The following ZNF385C variants were observed in gnomAD, a reference collection of about 807,000 sequenced individuals.
ZNF385C encodes the protein zinc finger protein 385C.
A neutral mutation model predicts 35.4 loss-of-function variants in ZNF385C; 28 were observed. That is an observed-to-expected ratio of 0.79 (90% CI 0.59 to 1.08). The LOEUF is 1.08. Ranked by LOEUF, ZNF385C falls within the 50% of genes least tolerant of loss-of-function variation. The pLI, the probability that ZNF385C is intolerant of heterozygous loss-of-function variation, is 0.00. For synonymous variants in ZNF385C, 248 were observed against 248.2 expected (o/e 1.00, Z 0.01); for missense variants, 605 against 595.6 (o/e 1.02, Z -0.16).
At chr17:42,056,485 G>A (rs373968795) in intron 2 of ZNF385C, among the ~76,000 whole-genome samples, 34 of 152,326 alleles carry the variant, frequency 2.2e-4, no homozygotes, top group East Asian at 1.4e-3. Context: ...CCTGGGGCTG[G>A]GTGCAAGGGC....
intron 2 of ZNF385C, among the ~76,000 whole-genome samples, chr17:42,053,064 T>C (rs1555657261): frequency 6.6e-6 from 1 of 152,174 alleles, no homozygotes; most frequent in Non-Finnish European, 1.5e-5. Flanking sequence ...ACTCCCACCA[T>C]GGCCAGGGGG....
intron 4 of ZNF385C, 80 bp from the exon 5 acceptor site, chr17:42,031,864 G>T (rs934480355): frequency 1.3e-6 from 2 of 1,491,720 alleles, no homozygotes; most frequent in Non-Finnish European, 1.8e-6. Flanking sequence ...CCAGCAGGGG[G>T]ACAGGTCAAA....
chr17:42,046,305 T>C (rs970306221), intron 2 of ZNF385C, among the ~76,000 whole-genome samples: 72 of 151,998 alleles, frequency 4.7e-4, no homozygotes, highest in African/African-American at 1.7e-3. Flanking sequence ...TTTAAAAGAA[T>C]GAAAGGGCCA....
At chr17:42,040,618 ACCAGG>A (rs1233578207) in intron 2 of ZNF385C, 14 of 1,232,318 alleles carry the variant, frequency 1.1e-5, no homozygotes, top group Non-Finnish European at 1.3e-5. Context: ...CAGGGTGGGC[ACCAGG>A]CCAGGCCAGG....
At chr17:42,048,887 A>G (rs2053226113) in intron 2 of ZNF385C, among the ~76,000 whole-genome samples, 1 of 151,492 alleles carries the variant, frequency 6.6e-6, no homozygotes, top group Non-Finnish European at 1.5e-5. Context: ...CACTTTAGTG[A>G]GCCGAGATCA....
At position 42,037,840 on chromosome 17, in the gene ZNF385C, G is replaced by A. The variant is rs1450438723; in HGVS notation, c.296C>T (p.Pro99Leu). The change falls in exon 3 of 9, where the codon CCC becomes CTC. Residue 99 changes from proline to leucine, a missense_variant. Pro to Leu is a moderately conservative substitution (Grantham distance 98). Coordinates refer to ENST00000692273, the MANE Select transcript of ZNF385C (RefSeq NM_001392013.1). ...GGGCTGCAGAGGCCGGGTGGGCAGGGGCAGGGAGGCCAGCAGGGGGCTGGG... is the reference window on the plus strand; with the variant it reads ...GGGCTGCAGAGGCCGGGTGGGCAGGAGCAGGGAGGCCAGCAGGGGGCTGGG... ...GAPSPLLASL[P>L]LPTRPLQPPL... The A allele has an allele frequency of 1.3e-6, 2 of 1,518,284 alleles. No homozygotes were observed. The highest frequency in any genetic ancestry group is 2.5e-5 in the East Asian group (1 of 40,682). The allele number at this position is 1,518,284 out of a possible 1,614,324, so 94.1% of individuals were successfully genotyped here.
chr17:42,042,850 C>T (rs533974851), intron 2 of ZNF385C: 14 of 1,232,316 alleles, frequency 1.1e-5, no homozygotes, highest in South Asian at 4.1e-5. Context: ...GTCCCTCACC[C>T]TCCTGGGACT....
chr17:42,027,573 T>TCCCCCCCCCC, intron 8 of ZNF385C, 45 bp downstream of exon 8: 1 of 298,866 alleles, frequency 3.3e-6, no homozygotes. Context: ...GCCCACCCTC[T>TCCCCCCCCCC]CCCCTCCTGA....
intron 1 of ZNF385C, among the ~76,000 whole-genome samples, chr17:42,071,611 G>GT (rs1382303084): frequency 6.6e-6 from 1 of 152,024 alleles, no homozygotes; most frequent in Non-Finnish European, 1.5e-5. Flanking sequence ...AGGTGGGATG[G>GT]TTGTCTCCAT....
intron 1 of ZNF385C, among the ~76,000 whole-genome samples, chr17:42,083,052 G>A (rs782009882): frequency 2.0e-5 from 3 of 152,028 alleles, no homozygotes; most frequent in Non-Finnish European, 4.4e-5. Context: ...ACTCCAGCAT[G>A]GGCAATAGAA....
chr17:42,040,822 G>A, intron 2 of ZNF385C: 1 of 1,232,308 alleles, frequency 8.1e-7, no homozygotes, highest in African/African-American at 1.5e-5. Context: ...CGGGGGCTCA[G>A]GATCTGTCCG....
intron 1 of ZNF385C, among the ~76,000 whole-genome samples, chr17:42,090,443 C>T (rs111489503): frequency 8.6e-4 from 131 of 151,796 alleles, no homozygotes; most frequent in African/African-American, 3.0e-3. Flanking sequence ...TGCGCCATCA[C>T]GCACTAATTT....
At chr17:42,091,571 C>A (rs2053863619) in intron 1 of ZNF385C, among the ~76,000 whole-genome samples, 2 of 152,204 alleles carry the variant, frequency 1.3e-5, no homozygotes, top group African/African-American at 4.8e-5. Context: ...ATCTAGGCCA[C>A]CTTCTTGGGG....
chr17:42,031,218 A>G (rs976997693), intron 5 of ZNF385C, among the ~76,000 whole-genome samples: 5 of 152,084 alleles, frequency 3.3e-5, no homozygotes, highest in Admixed American at 2.0e-4. Context: ...AATTTTTTGT[A>G]GAGACAGGGT....
At chr17:42,067,363 C>G (rs551222644) in intron 1 of ZNF385C, among the ~76,000 whole-genome samples, 1 of 152,282 alleles carries the variant, frequency 6.6e-6, no homozygotes, top group South Asian at 2.1e-4. Flanking sequence ...CGCCATAGAT[C>G]TCACCCTGGT....
chr17:42,039,466 T>C lies in ZNF385C; in HGVS notation c.251-1581A>G, dbSNP rs1229985043. ...TGTAAAGGCCAGGAATGATTTAGGG[T>C]ACCCCAGATCCTAGCATCTCTGCCC... On this transcript the variant is annotated intron_variant, in intron 2 of 8. Coordinates refer to ENST00000692273, the MANE Select transcript of ZNF385C (RefSeq NM_001392013.1). 4 of 386,554 alleles carry C rather than the reference T, an allele frequency of 1.0e-5. No individual in the cohort carries two copies. The East Asian group carries it at 1.5e-4, about 14-fold the overall frequency. The allele number at this position is 386,554 out of a possible 1,614,324, so 23.9% of individuals were successfully genotyped here.
intron 2 of ZNF385C, among the ~76,000 whole-genome samples, chr17:42,047,234 A>G (rs1232779101): frequency 2.6e-5 from 4 of 151,938 alleles, no homozygotes; most frequent in African/African-American, 9.7e-5. Flanking sequence ...GGGTTTCACC[A>G]TGTTAGCCAG....
chr17:42,029,575 G>A (rs763536879), intron 5 of ZNF385C, among the ~76,000 whole-genome samples: 6 of 152,118 alleles, frequency 3.9e-5, no homozygotes, highest in African/African-American at 7.2e-5. Context: ...AGAATTAGGC[G>A]TGGTGGCACA....
intron 2 of ZNF385C, among the ~76,000 whole-genome samples, chr17:42,055,551 G>T (rs1336455043): frequency 6.6e-6 from 1 of 152,182 alleles, no homozygotes; most frequent in Non-Finnish European, 1.5e-5. Context: ...GAACTTCTCA[G>T]TGGCCTTGGG....
Sources: allele counts gnomAD v4.1 joint callset (sites outside exome capture counted in the v4.1 genomes callset), GRCh38; gene constraint gnomAD v4.1.1; transcripts MANE v1.5; gene names NCBI Gene and HGNC (gene_info 2026-07-23, HGNC 2026-07-21).